USP36: variants seen among roughly 807,000 people sequenced by gnomAD.
USP36 encodes the protein ubiquitin specific peptidase 36.
USP36 carries 59 observed loss-of-function variants against 111.5 expected under a neutral mutation model. That is an observed-to-expected ratio of 0.53 (90% CI 0.43 to 0.66). The LOEUF (loss-of-function observed/expected upper bound fraction) is 0.66. Among genes scored for constraint, USP36 ranks in the 30% least tolerant of loss-of-function variants. USP36 has a pLI of 0.00. For missense variants in USP36, 1,488 were observed against 1,468.0 expected, an observed-to-expected ratio of 1.01 and a Z score of -0.22; for synonymous variants, 628 against 581.0, an observed-to-expected ratio of 1.08 and a Z score of -1.16.
chr17:78,791,871 G>A (rs1345229899), downstream of USP36: 1 of 152,288 alleles, frequency 6.6e-6, no homozygotes. Context: ...AAGGCGAGAA[G>A]ATTATTTGAG....
intron 10 of USP36, among the ~76,000 whole-genome samples, chr17:78,815,904 GCA>G (rs907931692): frequency 6.6e-6 from 1 of 151,564 alleles, no homozygotes; most frequent in African/African-American, 2.4e-5. Context: ...ATACATGCAC[GCA>G]CACATGCATA....
In USP36 at chr17:78,840,738, C is replaced by G. The variant is rs979713756; in HGVS notation, c.-176G>C. ...GCCCCGACCCGACCCCAGCCTACCCCGGCCTCTCCGCGGGCGCGCCACAAG... is the reference window on the plus strand; with the variant it reads ...GCCCCGACCCGACCCCAGCCTACCCGGGCCTCTCCGCGGGCGCGCCACAAG... On this transcript the variant is annotated splice_region_variant and 5_prime_UTR_variant, in exon 1 of 21. Coordinates refer to ENST00000449938, the MANE Select transcript of USP36 (RefSeq NM_001385174.1). 4 of 152,592 alleles carry G rather than the reference C, an allele frequency of 2.6e-5. No homozygotes were observed. Among genetic ancestry groups the G allele is most frequent in the African/African-American group, 9.7e-5 (4 of 41,448 alleles). 9.5% of individuals were successfully genotyped at this position (152,592 alleles called of 1,614,324 possible). A position where few individuals can be genotyped will look rare whatever the true frequency, so the allele number is the denominator to read the frequency against.
At chr17:78,835,017 A>ATATT (rs1555641712) in intron 4 of USP36, among the ~76,000 whole-genome samples, 2 of 142,946 alleles carry the variant, frequency 1.4e-5, no homozygotes, top group Admixed American at 7.0e-5. Context: ...ATATATATAT[A>ATATT]TTTTGGAAGT....
chr17:78,823,727 C>T (rs2094386226), intron 6 of USP36, among the ~76,000 whole-genome samples: 1 of 152,014 alleles, frequency 6.6e-6, no homozygotes. Flanking sequence ...CTTAGAAGGG[C>T]AGTGAAGGGC....
At chr17:78,815,200 C>T (rs2094150944) in intron 10 of USP36, among the ~76,000 whole-genome samples, 1 of 151,636 alleles carries the variant, frequency 6.6e-6, no homozygotes, top group Admixed American at 6.6e-5. Flanking sequence ...GGCGTGGTGG[C>T]ACGTGCCTGT....
chr17:78,834,424 A>G (rs1435203298), intron 4 of USP36, among the ~76,000 whole-genome samples: 3 of 151,974 alleles, frequency 2.0e-5, no homozygotes, highest in Non-Finnish European at 4.4e-5. Flanking sequence ...ACACCACCAC[A>G]TCCAGCTAAT....
chr17:78,809,921 A>C (rs1257535483), intron 13 of USP36, among the ~76,000 whole-genome samples: 1 of 151,934 alleles, frequency 6.6e-6, no homozygotes, highest in East Asian at 1.9e-4. Context: ...ATCTCAGCTC[A>C]CTGCAACCTC....
At chr17:78,809,322 T>C (rs573587911) in intron 13 of USP36, among the ~76,000 whole-genome samples, 1 of 152,322 alleles carries the variant, frequency 6.6e-6, no homozygotes, top group Non-Finnish European at 1.5e-5. Context: ...CTTCCAAGTT[T>C]TGTTTTGTTC....
chr17:78,810,216 G>A (rs950765878), intron 13 of USP36, among the ~76,000 whole-genome samples: 3 of 151,828 alleles, frequency 2.0e-5, no homozygotes, highest in East Asian at 1.9e-4. Flanking sequence ...TCAACCTCCC[G>A]GGTTCAAGTG....
rs543707885 is a variant in USP36 at position 78,807,191 on chromosome 17, G to A, written c.1853C>T (p.Ser618Leu). ...GGCCTTGGTGGAGTCGCTGCTGGCC[G>A]AGTGCTCTGGGCTGGAGCTGCTGGA... The part of the protein sequence containing the change: ...RGSSSSSPEH[S>L]ASSDSTKAPQ... The change falls in exon 14 of 21, where the codon TCG becomes TTG. Residue 618 changes from serine to leucine, a missense_variant. Physicochemically the swap from Ser to Leu is moderately radical, Grantham distance 145. Transcript: ENST00000449938. 1.1e-5 allele frequency: 17 copies of A among 1,613,972 alleles called. No homozygotes were observed. Among genetic ancestry groups the A allele is most frequent in the South Asian group, 3.3e-5 (3 of 91,078 alleles).
intron 4 of USP36, 142 bp from the exon 5 acceptor site, chr17:78,829,149 G>C (rs1214115744): frequency 6.2e-6 from 4 of 646,178 alleles, no homozygotes; most frequent in Non-Finnish European, 1.1e-5. Context: ...CTGAGCCAGA[G>C]ATCCCAGACC....
intron 4 of USP36, 102 bp from the exon 5 acceptor site, chr17:78,829,109 G>C (rs1398833624): frequency 2.9e-5 from 28 of 978,242 alleles, no homozygotes; most frequent in Non-Finnish European, 4.1e-5. Context: ...ACACAAGCAG[G>C]TAAGAGCAAA....
At chr17:78,795,157 T>G (rs1224349711), downstream of USP36, among the ~76,000 whole-genome samples, 1 of 152,162 alleles carries the variant, frequency 6.6e-6, no homozygotes, top group African/African-American at 2.4e-5. The surrounding 1 kb of genome is among the most constrained non-coding windows in gnomAD (Gnocchi z 4.5). Context: ...AGACACAGCC[T>G]GGCTGGCAGG....
At chr17:78,821,629 T>C (rs948944846) in intron 7 of USP36, among the ~76,000 whole-genome samples, 1 of 151,666 alleles carries the variant, frequency 6.6e-6, no homozygotes, top group African/African-American at 2.4e-5. Context: ...GGTTTCACCA[T>C]GTTGGCCATG....
intron 10 of USP36, among the ~76,000 whole-genome samples, chr17:78,816,002 T>C (rs1011888697): frequency 2.0e-5 from 3 of 152,116 alleles, no homozygotes; most frequent in Non-Finnish European, 2.9e-5. Flanking sequence ...CATATATACA[T>C]ACATGCACAC....
In USP36 at chr17:78,821,080, A is replaced by G; in HGVS notation, c.758-19T>C. On this transcript the variant is annotated intron_variant, in intron 7 of 20. Transcript: ENST00000449938. ...CACTTCACTGCAACAGAACAGAGGC[A>G]GTGGAGCAGGTGGGGCCTGGCAGAG... 6.3e-7 allele frequency: 1 copy of G among 1,587,606 alleles called. No individual in the cohort carries two copies. Among genetic ancestry groups the G allele is most frequent in the South Asian group, 1.1e-5 (1 of 87,546 alleles).
At chr17:78,826,391 G>A (rs1445548856) in intron 6 of USP36, 1 of 152,032 alleles carries the variant, frequency 6.6e-6, no homozygotes, top group African/African-American at 2.4e-5. Flanking sequence ...AGCCAGGCAC[G>A]GTGGTAATCC....
chr17:78,835,401 G>A lies in USP36; in HGVS notation c.354C>T (p.Phe118=). 1 of 1,614,268 alleles carries A rather than the reference G, an allele frequency of 6.2e-7. No homozygotes were observed. The change falls in exon 4 of 21, where the codon TTC becomes TTT. Residue 118 remains phenylalanine, a synonymous_variant. Transcript: ENST00000449938. ...GGTTGTGGAGTCCTGCGCCCACGCG[G>A]AAGACCCGCTCCCACCTCAGAGACA... The part of the protein sequence containing the change: ...ERLSLRWERV[F]RVGAGLHNLG...
chr17:78,798,959 G>A lies in USP36; in HGVS notation c.3189C>T (p.Ala1063=). Reference sequence around the variant, plus strand: ...AGTCATCAACCACGGTCTCAGTCCGGGCCTGTCTGCTGTCTTCAATAGCAT... The same window carrying A: ...AGTCATCAACCACGGTCTCAGTCCGAGCCTGTCTGCTGTCTTCAATAGCAT... ...SQDAIEDSRQ[A]RTETVVDDWD... Residue 1063 remains alanine, a synonymous_variant, in exon 19 of 21, where the codon GCC becomes GCT. Coordinates refer to ENST00000449938, the MANE Select transcript of USP36 (RefSeq NM_001385174.1). This position sits in a 1 kb window ranked among gnomAD's most constrained non-coding sequence, Gnocchi z 5.1. The A allele has an allele frequency of 6.2e-7, 1 of 1,614,104 alleles. No individual in the cohort carries two copies.
Sources: allele counts gnomAD v4.1 joint callset (sites outside exome capture counted in the v4.1 genomes callset), GRCh38; gene constraint gnomAD v4.1.1; non-coding constraint Gnocchi (gnomAD v3.1); transcripts MANE v1.5; gene names NCBI Gene and HGNC (gene_info 2026-07-23, HGNC 2026-07-21).